The following CFAP44 variants were observed in gnomAD, a reference collection of about 807,000 sequenced individuals.
The protein encoded by CFAP44 is cilia- and flagella-associated protein 44.
In CFAP44, 134 loss-of-function variants were observed where a neutral mutation model predicts 216.2. The observed-to-expected ratio is 0.62, with a 90% CI of 0.54 to 0.72. The LOEUF (loss-of-function observed/expected upper bound fraction) is 0.72. CFAP44 is among the 30% of genes least tolerant of loss of function. CFAP44 has a pLI of 0.00. For synonymous variants in CFAP44, 700 were observed against 727.6 expected, an observed-to-expected ratio of 0.96 and a Z score of 0.61; for missense variants, 2,035 against 2,182.1, an observed-to-expected ratio of 0.93 and a Z score of 1.34.
At chr3:113,362,930 A>T in intron 21 of CFAP44, 2 of 1,290,488 alleles carry the variant, frequency 1.5e-6, no homozygotes, top group Non-Finnish European at 2.0e-6. Context: ...CAGTTGATGT[A>T]AAACAATTTG....
intron 22 of CFAP44, among the ~76,000 whole-genome samples, chr3:113,356,881 G>A (rs1329257475): frequency 6.6e-6 from 1 of 151,424 alleles, no homozygotes; most frequent in Non-Finnish European, 1.5e-5. Context: ...ACTACAGCAA[G>A]GTATTTTATA....
chr3:113,399,796 T>C (rs1934093162), intron 13 of CFAP44, 110 bp downstream of exon 13: 3 of 663,890 alleles, frequency 4.5e-6, no homozygotes, highest in Non-Finnish European at 7.2e-6. Flanking sequence ...TTAAAACTTT[T>C]ATTATTCCTT....
At chr3:113,293,842 A>G in intron 34 of CFAP44, 1 of 315,336 alleles carries the variant, frequency 3.2e-6, no homozygotes, top group Non-Finnish European at 6.3e-6. Context: ...AGTGATTCTT[A>G]AACTCTAGTG....
chr3:113,385,913 A>C (rs1933638633), intron 15 of CFAP44, among the ~76,000 whole-genome samples: 1 of 151,408 alleles, frequency 6.6e-6, no homozygotes, highest in African/African-American at 2.4e-5. Flanking sequence ...CAGAGTGCTG[A>C]GATTATAGGC....
intron 25 of CFAP44, among the ~76,000 whole-genome samples, chr3:113,332,558 A>C (rs1950249223): frequency 6.6e-6 from 1 of 152,222 alleles, no homozygotes; most frequent in African/African-American, 2.4e-5. Flanking sequence ...TTAGGTTACG[A>C]TGTATCGAGT....
In CFAP44 at chr3:113,330,241, G is replaced by A. The variant is rs775111132; in HGVS notation, c.4043C>T (p.Thr1348Met). 41 of 1,537,280 alleles carry A rather than the reference G, an allele frequency of 2.7e-5. No homozygotes were observed. The highest frequency in any genetic ancestry group is 2.2e-4 in the East Asian group (9 of 40,928). ...KCLEFEKAEP[T>M]DVELEIMKRD... is the part of the protein sequence containing the mutation. ...CTTCATAATTTCCAGCTCCACATCC[G>A]TTGGCTCTGCTTTTTCAAATTCCAA... is the stretch of plus-strand genomic sequence containing the variant. Residue 1348 changes from threonine to methionine, a missense_variant, in exon 26 of 35, where the codon ACG (threonine) becomes ATG (methionine). Around this residue, in one of 3 missense-constraint regions of CFAP44, gnomAD observed 1,883 missense variants for 2,023.7 expected, o/e 0.93. Transcript: ENST00000393845.
intron 28 of CFAP44, among the ~76,000 whole-genome samples, chr3:113,314,315 A>C (rs1392261833): frequency 6.6e-6 from 1 of 152,232 alleles, no homozygotes; most frequent in Admixed American, 6.5e-5. Context: ...GGGGATACAC[A>C]ACTTGTATAG....
In CFAP44 at chr3:113,326,581, G is replaced by A. The variant is rs1246864000; in HGVS notation, c.4380C>T (p.Leu1460=). 6.5e-7 allele frequency: 1 copy of A among 1,529,894 alleles called. No individual in the cohort carries two copies. The highest frequency in any genetic ancestry group is 2.0e-5 in the Admixed American group (1 of 49,548). 94.8% of individuals were successfully genotyped at this position (1,529,894 alleles called of 1,614,324 possible). A position where few individuals can be genotyped will look rare whatever the true frequency, so the allele number is the denominator to read the frequency against. The change falls in exon 28 of 35, where the codon CTC becomes CTT. Residue 1460 remains leucine (L), a synonymous_variant. Transcript: ENST00000393845. ...MEEKKNEITK[L]QEQEKALYAG... ...CATAGAGTGCCTTTTCTTGCTCCTG[G>A]AGTTTGGTGATTTCATTCTTTTTCT...
intron 7 of CFAP44, among the ~76,000 whole-genome samples, chr3:113,408,880 A>AC (rs1934368506): frequency 6.7e-6 from 1 of 148,254 alleles, no homozygotes; most frequent in Non-Finnish European, 1.5e-5. Context: ...AAAAAAAAAA[A>AC]AAGCCCTTAT....
At position 113,426,277 on chromosome 3, in the gene CFAP44, A is replaced by G; in HGVS notation, c.254T>C (p.Val85Ala). The change falls in exon 4 of 35, where the codon GTA (valine) becomes GCA (alanine). Residue 85 changes from valine to alanine, a missense_variant and splice_region_variant. Physicochemically the swap from Val to Ala is moderately conservative, Grantham distance 64 (BLOSUM62 0). Transcript: ENST00000393845. ...FQYGDLQSTT[V>A]PQQTPAPAVE... Reference sequence around the variant, plus strand: ...AGCTGGAGCAGGGGTTTGCTGAGGTACTAAAAAAATAAAATAATTTAAGAA... The same window carrying G: ...AGCTGGAGCAGGGGTTTGCTGAGGTGCTAAAAAAATAAAATAATTTAAGAA... 1 of 1,612,132 alleles carries G rather than the reference A, an allele frequency of 6.2e-7. No homozygotes were observed. The highest frequency in any genetic ancestry group is 8.5e-7 in the Non-Finnish European group (1 of 1,179,418).
chr3:113,351,023 A>G (rs147486043), intron 22 of CFAP44, among the ~76,000 whole-genome samples: 437 of 152,356 alleles, frequency 2.9e-3, no homozygotes, highest in African/African-American at 9.9e-3. Flanking sequence ...CTCAATGGGT[A>G]TTCAGTAAGT....
intron 18 of CFAP44, 63 bp from the exon 19 acceptor site, chr3:113,366,372 T>C (rs1932937484): frequency 6.5e-7 from 1 of 1,543,218 alleles, no homozygotes; most frequent in South Asian, 1.3e-5. Flanking sequence ...TAATTTCAAC[T>C]TAATTGACAA....
At chr3:113,360,917 C>T (rs1408986696) in intron 21 of CFAP44, 3 of 225,926 alleles carry the variant, frequency 1.3e-5, no homozygotes, top group Admixed American at 5.2e-5. Context: ...AAGCTTGATG[C>T]TACTAATATA....
chr3:113,310,247 C>A (rs940954154), intron 28 of CFAP44, among the ~76,000 whole-genome samples: 2 of 152,164 alleles, frequency 1.3e-5, no homozygotes, highest in African/African-American at 2.4e-5. Context: ...AAGGTACTCT[C>A]CCCTCTCCCC....
chr3:113,433,752 C>A, intron 1 of CFAP44, 83 bp from the exon 2 acceptor site: 2 of 1,028,050 alleles, frequency 1.9e-6, no homozygotes, highest in Non-Finnish European at 3.0e-6. Context: ...ATTTCATTAG[C>A]ACCAAACACC....
At chr3:113,414,776 A>C (rs1272787980) in intron 6 of CFAP44, among the ~76,000 whole-genome samples, 2 of 152,058 alleles carry the variant, frequency 1.3e-5, no homozygotes, top group African/African-American at 2.4e-5. Context: ...ATTTTATTGA[A>C]GATTTTTGCA....
At chr3:113,367,153 G>A (rs933006128) in intron 18 of CFAP44, among the ~76,000 whole-genome samples, 1 of 152,220 alleles carries the variant, frequency 6.6e-6, no homozygotes, top group African/African-American at 2.4e-5. Context: ...ACAAAAGGCA[G>A]CAGACAACTT....
chr3:113,375,161 G>A (rs1247703808), intron 17 of CFAP44, among the ~76,000 whole-genome samples: 2 of 133,390 alleles, frequency 1.5e-5, no homozygotes, highest in Non-Finnish European at 3.2e-5. Flanking sequence ...AAGTATGGTT[G>A]CCAGGGGCTG....
intron 1 of CFAP44, among the ~76,000 whole-genome samples, chr3:113,438,412 T>C (rs1432216037): frequency 6.6e-6 from 1 of 152,186 alleles, no homozygotes; most frequent in African/African-American, 2.4e-5. Flanking sequence ...TTCCTGGTTG[T>C]GAGGTGTTAA....
Sources: gnomAD v4.1 joint callset for allele counts (sites outside exome capture counted in the v4.1 genomes callset) on GRCh38, gnomAD v4.1.1 for gene constraint, gnomAD v4.1.1 regional missense constraint, MANE v1.5 for transcripts, NCBI Gene and HGNC (gene_info 2026-07-23, HGNC 2026-07-21) for gene names.